Variants in PPP2R5E observed in about 807,000 individuals in gnomAD.
The protein encoded by PPP2R5E is protein phosphatase 2 regulatory subunit B'epsilon, also known as serine/threonine-protein phosphatase 2A 56 kDa regulatory subunit epsilon isoform.
A neutral mutation model predicts 65.3 loss-of-function variants in PPP2R5E; 4 were observed. That is an observed-to-expected ratio of 0.06 (90% CI 0.03 to 0.14). PPP2R5E has a LOEUF of 0.14. PPP2R5E is among the 10% of genes least tolerant of loss of function. The probability of loss-of-function intolerance (pLI) is 1.00; values close to 1 mark genes in which losing one functional copy is unlikely to be tolerated. For missense variants in PPP2R5E, 274 were observed against 556.1 expected, an observed-to-expected ratio of 0.49 and a Z score of 5.10; for synonymous variants, 183 against 187.4, an observed-to-expected ratio of 0.98 and a Z score of 0.19.
rs1280201210 is a variant in PPP2R5E at position 63,375,212 on chromosome 14, T to C, written c.*797A>G. 6.6e-6 allele frequency: 1 copy of C among 152,618 alleles called. No homozygotes were observed. Among genetic ancestry groups the C allele is most frequent in the African/African-American group, 2.4e-5 (1 of 41,452 alleles). The allele number at this position is 152,618 out of a possible 1,614,324, so 9.5% of individuals were successfully genotyped here. ...TCTCTGGTATGTGTGTTCAATGATA[T>C]ATGCAACTAATACTGGTCAGGTACT... On this transcript the variant is annotated 3_prime_UTR_variant, in exon 14 of 14. Coordinates refer to ENST00000337537, the MANE Select transcript of PPP2R5E (RefSeq NM_006246.5).
chr14:63,433,040 T>TG (rs908573792), intron 3 of PPP2R5E, among the ~76,000 whole-genome samples: 22 of 141,064 alleles, frequency 1.6e-4, no homozygotes, highest in African/African-American at 3.3e-4. Context: ...TTGTTTTTTT[T>TG]TTTTTTTTTT....
At chr14:63,482,263 G>A (rs920658842) in intron 2 of PPP2R5E, among the ~76,000 whole-genome samples, 12 of 152,228 alleles carry the variant, frequency 7.9e-5, no homozygotes, top group South Asian at 4.1e-4. Flanking sequence ...TCAGGAGTTC[G>A]AGCCTGGCCA....
intron 2 of PPP2R5E, among the ~76,000 whole-genome samples, chr14:63,532,441 T>C (rs774860756): frequency 2.0e-5 from 3 of 152,244 alleles, no homozygotes; most frequent in African/African-American, 7.2e-5. Context: ...AAATTCACCA[T>C]ATTTAAAAAC....
At chr14:63,518,962 T>C (rs1022410689) in intron 2 of PPP2R5E, among the ~76,000 whole-genome samples, 24 of 152,204 alleles carry the variant, frequency 1.6e-4, no homozygotes, top group African/African-American at 5.8e-4. Context: ...CTCATGCCTG[T>C]AATCCCAACA....
chr14:63,507,648 C>T (rs1040487967), intron 2 of PPP2R5E, among the ~76,000 whole-genome samples: 10 of 138,258 alleles, frequency 7.2e-5, no homozygotes, highest in African/African-American at 2.8e-4. Context: ...GGTGTGATCT[C>T]AGCTCACTGC....
chr14:63,417,574 A>G (rs1430055935), intron 4 of PPP2R5E, among the ~76,000 whole-genome samples: 1 of 152,000 alleles, frequency 6.6e-6, no homozygotes, highest in Non-Finnish European at 1.5e-5. Flanking sequence ...ATTATATTTC[A>G]GTATGCAGTG....
chr14:63,501,074 T>G (rs1005031201), intron 2 of PPP2R5E, among the ~76,000 whole-genome samples: 2 of 152,086 alleles, frequency 1.3e-5, no homozygotes, highest in Non-Finnish European at 2.9e-5. Flanking sequence ...AGTCAGACAC[T>G]TGTAAGAGGG....
At chr14:63,451,211 G>A (rs1302715995) in intron 3 of PPP2R5E, 5 of 151,996 alleles carry the variant, frequency 3.3e-5, no homozygotes, top group Admixed American at 2.0e-4. Context: ...TACACTCCTT[G>A]GTATTTACCC....
At chr14:63,541,286 A>T (rs780549863) in intron 1 of PPP2R5E, among the ~76,000 whole-genome samples, 2 of 152,214 alleles carry the variant, frequency 1.3e-5, no homozygotes, top group Non-Finnish European at 2.9e-5. Context: ...ACTATGAGAA[A>T]ATCAAGCACC....
At chr14:63,491,591 T>C (rs141868025) in intron 2 of PPP2R5E, among the ~76,000 whole-genome samples, 4 of 152,252 alleles carry the variant, frequency 2.6e-5, no homozygotes, top group South Asian at 4.1e-4. Flanking sequence ...CTCATGCCTA[T>C]AATGGCAACA....
chr14:63,522,142 C>T (rs1470377830), intron 2 of PPP2R5E, among the ~76,000 whole-genome samples: 1 of 152,120 alleles, frequency 6.6e-6, no homozygotes, highest in Non-Finnish European at 1.5e-5. Context: ...GACGGGGTTT[C>T]GCTGTGTTGG....
rs77920288 is a variant in PPP2R5E at position 63,379,874 on chromosome 14, G to A, written c.1304+2182C>T. On this transcript the variant is annotated intron_variant, in intron 13 of 13. Coordinates refer to ENST00000337537, the MANE Select transcript of PPP2R5E (RefSeq NM_006246.5). ...TTTTGAGACAGAGTCTCACTCCAAT[G>A]TCCAAGCTGGAGTACAGTGGCATGA... 0.014 allele frequency among the ~76,000 whole-genome samples: 1,580 copies of A among 109,896 alleles called. 45 individuals carry two copies. The East Asian group carries it at 0.14, about 10-fold the overall frequency. The allele number at this position is 109,896 out of a possible 152,430, so 72.1% of individuals were successfully genotyped here.
chr14:63,478,970 CA>C (rs200994723), intron 2 of PPP2R5E, among the ~76,000 whole-genome samples: 3 of 150,288 alleles, frequency 2.0e-5, no homozygotes, highest in Non-Finnish European at 3.0e-5. Flanking sequence ...ACTAAAAATC[CA>C]AAAAAAAATT....
intron 11 of PPP2R5E, among the ~76,000 whole-genome samples, chr14:63,387,527 C>A (rs1413083667): frequency 6.6e-6 from 1 of 151,658 alleles, no homozygotes; most frequent in Non-Finnish European, 1.5e-5. Flanking sequence ...CATAAGGCGG[C>A]CACTCAATAA....
At chr14:63,470,648 G>C (rs540125310) in intron 2 of PPP2R5E, among the ~76,000 whole-genome samples, 24 of 150,500 alleles carry the variant, frequency 1.6e-4, no homozygotes, top group Non-Finnish European at 2.2e-4. Flanking sequence ...CATAAAACAA[G>C]CAAATTATCT....
chr14:63,424,245 T>C (rs542328591), intron 3 of PPP2R5E, among the ~76,000 whole-genome samples: 1 of 152,312 alleles, frequency 6.6e-6, no homozygotes, highest in South Asian at 2.1e-4. Flanking sequence ...GGGAAAAGTT[T>C]ATTTCTTTAC....
chr14:63,391,902 A>G (rs1182492448), intron 9 of PPP2R5E, 35 bp from the exon 10 acceptor site: 1 of 1,609,570 alleles, frequency 6.2e-7, no homozygotes, highest in South Asian at 1.1e-5. Context: ...ATGGCATTTA[A>G]CTTTTTCATA....
intron 2 of PPP2R5E, among the ~76,000 whole-genome samples, chr14:63,481,399 G>A (rs1012449889): frequency 1.3e-5 from 2 of 151,698 alleles, no homozygotes; most frequent in African/African-American, 4.8e-5. Context: ...GGGAGGGTGA[G>A]GCAGGGGAAT....
intron 2 of PPP2R5E, among the ~76,000 whole-genome samples, chr14:63,520,279 C>G (rs963982656): frequency 1.1e-4 from 17 of 152,008 alleles, no homozygotes; most frequent in Non-Finnish European, 2.4e-4. Flanking sequence ...TCATGATCCG[C>G]CCGCCTCGGC....
Sources: gnomAD v4.1 joint callset for allele counts (sites outside exome capture counted in the v4.1 genomes callset) on GRCh38, gnomAD v4.1.1 for gene constraint, MANE v1.5 for transcripts, NCBI Gene and HGNC (gene_info 2026-07-23, HGNC 2026-07-21) for gene names.